Variants in AHI1 observed in about 807,000 individuals in gnomAD.
The protein encoded by AHI1 is jouberin.
A neutral mutation model predicts 149.3 loss-of-function variants in AHI1; 123 were observed. The observed-to-expected ratio is 0.82, with a 90% confidence interval of 0.71 to 0.96. The LOEUF is 0.96. Among genes scored for constraint, AHI1 ranks in the 40% least tolerant of loss-of-function variants. The pLI, the probability that AHI1 is intolerant of heterozygous loss-of-function variation, is 0.00. For synonymous variants in AHI1, 475 were observed against 459.8 expected (o/e 1.03, Z -0.42); for missense variants, 1,439 against 1,422.7 (o/e 1.01, Z -0.18).
Position 135,285,309 on chromosome 6 carries a change from TTTA to T in AHI1, c.*333_*335del. On this transcript the variant is annotated 3_prime_UTR_variant, in exon 29 of 29. Coordinates refer to ENST00000265602, the MANE Select transcript of AHI1 (RefSeq NM_001134831.2). Reference sequence around the variant, plus strand: ...AGACATCCTAATAACGCAAACACCTTTTATTCACATTTGCTGAGTAGCAATTAC... The same window carrying T: ...AGACATCCTAATAACGCAAACACCTTTTCACATTTGCTGAGTAGCAATTAC... 1 of 375,330 alleles carries T rather than the reference TTTA, an allele frequency of 2.7e-6. No homozygotes were observed. The highest frequency in any genetic ancestry group is 7.6e-4 in the Middle Eastern group (1 of 1,324). 23.2% of individuals were successfully genotyped at this position (375,330 alleles called of 1,614,324 possible). A position where few individuals can be genotyped will look rare whatever the true frequency, so the allele number is the denominator to read the frequency against.
At chr6:135,493,893 C>T (rs529731353) in intron 3 of AHI1, among the ~76,000 whole-genome samples, 1 of 152,208 alleles carries the variant, frequency 6.6e-6, no homozygotes, top group East Asian at 1.9e-4. Context: ...AAATACAAAA[C>T]TTAGTCAGGC....
chr6:135,407,588 C>G (rs958935900), intron 21 of AHI1, among the ~76,000 whole-genome samples: 1 of 152,126 alleles, frequency 6.6e-6, no homozygotes, highest in Non-Finnish European at 1.5e-5. Flanking sequence ...AATACCAAAG[C>G]AGACATATTC....
intron 15 of AHI1, among the ~76,000 whole-genome samples, chr6:135,433,590 T>C (rs1323301406): frequency 6.6e-6 from 1 of 152,136 alleles, no homozygotes; most frequent in Non-Finnish European, 1.5e-5. Context: ...TTGCATTTAG[T>C]ACAATATACA....
At position 135,400,812 on chromosome 6, in the gene AHI1, A is replaced by G. The variant is rs149162127; in HGVS notation, c.2988+4139T>C. Among the ~76,000 whole-genome samples, 263 of 152,242 alleles carry G rather than the reference A, an allele frequency of 1.7e-3. 2 individuals are homozygous for G. The East Asian group carries it at 0.04, about 23-fold the overall frequency. On this transcript the variant is annotated intron_variant, in intron 22 of 28. Coordinates refer to ENST00000265602, the MANE Select transcript of AHI1 (RefSeq NM_001134831.2). ...AATACATAATTGACTATCCCCCTAC[A>G]TGCATCTTTTCTCTTGCAACTTGAG...
Position 135,426,660 on chromosome 6 carries a change from T to G in AHI1, c.2764+507A>C, listed in dbSNP as rs548820122. On this transcript the variant is annotated intron_variant, in intron 20 of 28. Transcript: ENST00000265602. ...GAAAACCAGCATATATCCAAAGAAT[T>G]CTTAGAATACCATACTGTCCCTGAA... 7.9e-5 allele frequency among the ~76,000 whole-genome samples: 12 copies of G among 151,702 alleles called. 1 individual carries two copies. The South Asian group carries it at 2.5e-3, about 32-fold the overall frequency.
chr6:135,480,117 G>A (rs953578141), intron 5 of AHI1, among the ~76,000 whole-genome samples: 1 of 152,160 alleles, frequency 6.6e-6, no homozygotes, highest in Non-Finnish European at 1.5e-5. Context: ...AGCAGTGAGA[G>A]CAGACTAATA....
At chr6:135,491,321 A>C (rs1191559755) in intron 4 of AHI1, among the ~76,000 whole-genome samples, 2 of 152,332 alleles carry the variant, frequency 1.3e-5, no homozygotes, top group East Asian at 3.9e-4. Flanking sequence ...CTTCAAATCA[A>C]GACAAATATC....
chr6:135,357,511 T>C (rs1000029756), intron 24 of AHI1, among the ~76,000 whole-genome samples: 1 of 152,108 alleles, frequency 6.6e-6, no homozygotes, highest in African/African-American at 2.4e-5. Context: ...TTTCTCACAA[T>C]AGGAAATGGA....
chr6:135,427,197 G>A lies in AHI1; in HGVS notation c.2734C>T (p.Pro912Ser), dbSNP rs763264465. Residue 912 changes from proline (P) to serine (S), a missense_variant, in exon 20 of 29, where the codon CCA becomes TCA. Physicochemically the swap from Pro to Ser is moderately conservative, Grantham distance 74. Coordinates refer to ENST00000265602, the MANE Select transcript of AHI1 (RefSeq NM_001134831.2). ...AAATCGTAAATATACAGAAGAATTG[G>A]CTCATTTTGCCCAAATGCACAGAAT... is the stretch of plus-strand genomic sequence containing the variant. Reference protein sequence around the residue: ...VAFCAFGQNEPILLYIYDFHV... With the variant: ...VAFCAFGQNESILLYIYDFHV... The A allele has an allele frequency of 3.7e-6, 6 of 1,610,164 alleles. No individual in the cohort carries two copies. The highest frequency in any genetic ancestry group is 5.1e-6 in the Non-Finnish European group (6 of 1,177,506).
intron 28 of AHI1, among the ~76,000 whole-genome samples, chr6:135,288,063 C>T (rs894663708): frequency 1.3e-5 from 2 of 151,962 alleles, no homozygotes; most frequent in Admixed American, 1.3e-4. Context: ...CCATTGCAGT[C>T]CAGCCTGGGC....
At position 135,442,591 on chromosome 6, in the gene AHI1, G is replaced by T; in HGVS notation, c.1903C>A (p.Pro635Thr). The T allele has an allele frequency of 6.2e-7, 1 of 1,608,014 alleles. No homozygotes were observed. The highest frequency in any genetic ancestry group is 8.5e-7 in the Non-Finnish European group (1 of 1,176,872). ...AAACASRDGY[P>T]IILYEIPSGR... ...TAGGATTATTACTCACAAATAATTG[G>T]ATATCCATCCCGGCTGGCACAAGCT... Residue 635 changes from proline to threonine, a missense_variant, in exon 14 of 29, where the codon CCA becomes ACA. Coordinates refer to ENST00000265602, the MANE Select transcript of AHI1 (RefSeq NM_001134831.2).
chr6:135,449,503 C>T (rs1159985537), intron 11 of AHI1, among the ~76,000 whole-genome samples: 1 of 152,144 alleles, frequency 6.6e-6, no homozygotes, highest in Non-Finnish European at 1.5e-5. Context: ...GAACCCTTTG[C>T]AACAGTTCAC....
At chr6:135,364,367 A>G (rs1794546196) in intron 23 of AHI1, among the ~76,000 whole-genome samples, 1 of 146,472 alleles carries the variant, frequency 6.8e-6, no homozygotes, top group South Asian at 2.2e-4. Context: ...CACTTCCTAG[A>G]TGGGATGGCA....
At chr6:135,330,680 C>T (rs1236221388) in intron 24 of AHI1, among the ~76,000 whole-genome samples, 1 of 152,178 alleles carries the variant, frequency 6.6e-6, no homozygotes, top group African/African-American at 2.4e-5. Flanking sequence ...TCACATGCTA[C>T]CATCTGTCCA....
chr6:135,369,380 C>T (rs1038593259), intron 23 of AHI1, among the ~76,000 whole-genome samples: 3 of 152,222 alleles, frequency 2.0e-5, no homozygotes, highest in African/African-American at 7.2e-5. Flanking sequence ...TCTCTGTGCA[C>T]TGCTCTGTCC....
At chr6:135,300,663 A>ATATGCCTGTTCTGAACAGGAATATC in intron 26 of AHI1, 105 bp from the exon 27 acceptor site, 2 of 1,526,726 alleles carry the variant, frequency 1.3e-6, no homozygotes, top group Non-Finnish European at 1.8e-6. Flanking sequence ...TGGGGAGAGA[A>ATATGCCTGTTCTGAACAGGAATATC]TATGCCTGTT....
At chr6:135,355,683 G>A (rs1381682511) in intron 24 of AHI1, among the ~76,000 whole-genome samples, 7 of 151,968 alleles carry the variant, frequency 4.6e-5, no homozygotes, top group South Asian at 2.1e-4. Flanking sequence ...GGCAGATCAC[G>A]AGGTCAGGAG....
intron 26 of AHI1, among the ~76,000 whole-genome samples, chr6:135,311,073 G>A (rs574360911): frequency 1.4e-4 from 22 of 152,048 alleles, no homozygotes; most frequent in East Asian, 9.7e-4. Flanking sequence ...AGGCTGAGGC[G>A]CGCAGATCAC....
At chr6:135,454,042 A>G (rs973904198) in intron 10 of AHI1, among the ~76,000 whole-genome samples, 3 of 152,178 alleles carry the variant, frequency 2.0e-5, no homozygotes, top group African/African-American at 4.8e-5. Flanking sequence ...TGAGATTTTT[A>G]TAGAAAGAAG....
Sources: gnomAD v4.1 joint callset for allele counts (sites outside exome capture counted in the v4.1 genomes callset) on GRCh38, gnomAD v4.1.1 for gene constraint, MANE v1.5 for transcripts, NCBI Gene and HGNC (gene_info 2026-07-23, HGNC 2026-07-21) for gene names.